GRPEL2: variants seen among roughly 807,000 people sequenced by gnomAD.
The protein encoded by GRPEL2 is grpE protein homolog 2, mitochondrial.
GRPEL2 carries 18 observed loss-of-function variants against 25.9 expected under a neutral mutation model. That is an observed-to-expected ratio of 0.70 (90% confidence interval 0.48 to 1.03). The LOEUF is 1.03. GRPEL2 is among the 50% of genes least tolerant of loss of function. The pLI, the probability that GRPEL2 is intolerant of heterozygous loss-of-function variation, is 0.00. For synonymous variants in GRPEL2, 106 were observed against 107.9 expected, an observed-to-expected ratio of 0.98 and a Z score of 0.11; for missense variants, 247 against 276.2, an observed-to-expected ratio of 0.89 and a Z score of 0.75.
At chr5:149,346,715 ATTTTTTTTTTTTTTTTTTTTTTTTTTTT>A (rs34300270) in intron 1 of GRPEL2, among the ~76,000 whole-genome samples, 1 of 59,272 alleles carries the variant, frequency 1.7e-5, no homozygotes, top group Non-Finnish European at 2.9e-5. Flanking sequence ...GGCCCTGAGA[ATTTTTTTTTTTTTTTTTTTTTTTTTTTT>A]TTTTTTTTTT....
intron 1 of GRPEL2, among the ~76,000 whole-genome samples, chr5:149,346,437 C>T (rs191816478): frequency 3.3e-4 from 50 of 152,288 alleles, no homozygotes; most frequent in Non-Finnish European, 6.5e-4. Flanking sequence ...ACATATGTCA[C>T]CCTTTTTACC....
intron 2 of GRPEL2, 147 bp downstream of exon 2, chr5:149,348,572 A>G: frequency 1.6e-6 from 1 of 633,550 alleles, no homozygotes; most frequent in Admixed American, 3.4e-5. Flanking sequence ...CTTGCTAGGT[A>G]TACTGGGCAG....
At position 149,345,588 on chromosome 5, in the gene GRPEL2, C is replaced by A; in HGVS notation, c.49C>A (p.Leu17Met). ...WAGRLRVQRL[L>M]AWSAAWESKG... ...GGGCCGGCTGCGGGTGCAGCGCCTA[C>A]TGGCCTGGAGTGCCGCGTGGGAGAG... The change falls in exon 1 of 4, where the codon CTG (leucine) becomes ATG (methionine). Residue 17 changes from leucine (L) to methionine (M), a missense_variant. Leu to Met is a conservative substitution (Grantham distance 15). This residue lies in a region of GRPEL2 where 125 missense variants were observed against 107.0 expected (regional missense o/e 1.17). Coordinates refer to ENST00000329271, the MANE Select transcript of GRPEL2 (RefSeq NM_152407.4). The A allele has an allele frequency of 1.9e-6, 3 of 1,611,736 alleles. No individual in the cohort carries two copies. The highest frequency in any genetic ancestry group is 2.5e-6 in the Non-Finnish European group (3 of 1,179,268).
Position 149,351,400 on chromosome 5 carries a change from C to A in GRPEL2, c.*118C>A. 9.0e-7 allele frequency: 1 copy of A among 1,106,822 alleles called. No individual in the cohort carries two copies. Among genetic ancestry groups the A allele is most frequent in the Non-Finnish European group, 1.3e-6 (1 of 783,596 alleles). The allele number at this position is 1,106,822 out of a possible 1,614,324, so 68.6% of individuals were successfully genotyped here. A position where few individuals can be genotyped will look rare whatever the true frequency, so the allele number is the denominator to read the frequency against. ...TCATGTGATATGTTTTGGATTTAGTCATATTGGCTTTATTTCTAAGATATT... is the reference window on the plus strand; with the variant it reads ...TCATGTGATATGTTTTGGATTTAGTAATATTGGCTTTATTTCTAAGATATT... On this transcript the variant is annotated 3_prime_UTR_variant, in exon 4 of 4. Coordinates refer to ENST00000329271, the MANE Select transcript of GRPEL2 (RefSeq NM_152407.4).
rs1757791471 is a variant in GRPEL2, at chr5:149,352,432, A to G, written c.*1150A>G. On this transcript the variant is annotated 3_prime_UTR_variant, in exon 4 of 4. Transcript: ENST00000329271. ...CAGGCGTTCACCACTGCGCCCGCAA[A>G]GTTTTTTTGTTGTTTTTTTTTTTAA... 1 of 149,530 alleles carries G rather than the reference A, an allele frequency of 6.7e-6. No homozygotes were observed. The highest frequency in any genetic ancestry group is 1.5e-5 in the Non-Finnish European group (1 of 66,736). The allele number at this position is 149,530 out of a possible 1,614,324, so 9.3% of individuals were successfully genotyped here.
At chr5:149,346,655 T>C (rs1757693819) in intron 1 of GRPEL2, among the ~76,000 whole-genome samples, 1 of 142,546 alleles carries the variant, frequency 7.0e-6, no homozygotes, top group Non-Finnish European at 1.5e-5. Context: ...TGGCCACAAC[T>C]CCCCAACCCT....
intron 1 of GRPEL2, among the ~76,000 whole-genome samples, chr5:149,346,931 G>T (rs1446775194): frequency 6.6e-6 from 1 of 151,726 alleles, no homozygotes; most frequent in Non-Finnish European, 1.5e-5. Context: ...TAGAGACGGG[G>T]TTTCACCGTG....
rs1308438608 is a variant in GRPEL2, at chr5:149,348,268, T to G, written c.78-4T>G. On this transcript the variant is annotated splice_polypyrimidine_tract_variant and splice_region_variant and intron_variant, in intron 1 of 3. Transcript: ENST00000329271. ...CATTATGTGCCACCTCCTTCCTGTT[T>G]TAGGGGATGGCCGCTTCCATTCAGC... 1 of 1,589,602 alleles carries G rather than the reference T, an allele frequency of 6.3e-7. No homozygotes were observed. The highest frequency in any genetic ancestry group is 8.5e-7 in the Non-Finnish European group (1 of 1,173,518).
At chr5:149,345,720 C>G in intron 1 of GRPEL2, 104 bp downstream of exon 1, 1 of 935,902 alleles carries the variant, frequency 1.1e-6, no homozygotes, top group Non-Finnish European at 1.6e-6. Context: ...TGAGCGTAGG[C>G]CAGGGGACCA....
rs1040722308 is a variant in GRPEL2 at position 149,353,830 on chromosome 5, T to C, written c.*2548T>C. 6.6e-6 allele frequency: 1 copy of C among 152,206 alleles called. No individual in the cohort carries two copies. The highest frequency in any genetic ancestry group is 2.4e-5 in the African/African-American group (1 of 41,454). 9.4% of individuals were successfully genotyped at this position (152,206 alleles called of 1,614,324 possible). On this transcript the variant is annotated 3_prime_UTR_variant, in exon 4 of 4. Coordinates refer to ENST00000329271, the MANE Select transcript of GRPEL2 (RefSeq NM_152407.4). Reference sequence around the variant, plus strand: ...AGGGCTTTGGGGAGCCAAAGCAGCATATTAGAGCATAGGCTTGAACTTAAA... The same window carrying C: ...AGGGCTTTGGGGAGCCAAAGCAGCACATTAGAGCATAGGCTTGAACTTAAA...
rs200207058 is a variant in GRPEL2, at chr5:149,345,544, C to T, written c.5C>T (p.Ala2Val). 2 of 1,610,988 alleles carry T rather than the reference C, an allele frequency of 1.2e-6. No homozygotes were observed. Among genetic ancestry groups the T allele is most frequent in the South Asian group, 2.2e-5 (2 of 90,352 alleles). Residue 2 changes from alanine (A) to valine (V), a missense_variant, in exon 1 of 4, where the codon GCC (alanine) becomes GTC (valine). Ala to Val is a moderately conservative substitution (Grantham distance 64). Around this residue, in one of 2 missense-constraint regions of GRPEL2, gnomAD observed 125 missense variants for 107.0 expected, o/e 1.17. Transcript: ENST00000329271. ...CTCTCAGCCCAAATTGGAAACATGG[C>T]CGTACGGTCGCTGTGGGCGGGCCGG... Reference protein sequence around the residue: MAVRSLWAGRLR... With the variant: MVVRSLWAGRLR...
In GRPEL2 at chr5:149,351,399, T is replaced by A; in HGVS notation, c.*117T>A. ...TTCATGTGATATGTTTTGGATTTAG[T>A]CATATTGGCTTTATTTCTAAGATAT... is the stretch of plus-strand genomic sequence containing the variant. On this transcript the variant is annotated 3_prime_UTR_variant, in exon 4 of 4. Coordinates refer to ENST00000329271, the MANE Select transcript of GRPEL2 (RefSeq NM_152407.4). 1.8e-6 allele frequency: 2 copies of A among 1,108,618 alleles called. No individual in the cohort carries two copies. The highest frequency in any genetic ancestry group is 1.6e-5 in the African/African-American group (1 of 64,128). The allele number at this position is 1,108,618 out of a possible 1,614,324, so 68.7% of individuals were successfully genotyped here. A position where few individuals can be genotyped will look rare whatever the true frequency, so the allele number is the denominator to read the frequency against.
At position 149,348,367 on chromosome 5, in the gene GRPEL2, C is replaced by G; in HGVS notation, c.173C>G (p.Ala58Gly). 6.2e-7 allele frequency: 1 copy of G among 1,613,550 alleles called. No homozygotes were observed. Among genetic ancestry groups the G allele is most frequent in the East Asian group, 2.2e-5 (1 of 44,864 alleles). Residue 58 changes from alanine to glycine, a missense_variant, in exon 2 of 4, where the codon GCT becomes GGT. Coordinates refer to ENST00000329271, the MANE Select transcript of GRPEL2 (RefSeq NM_152407.4). ...CCTGATGAGCTTGGGCCCCCTCTTG[C>G]TGAACGAGCCTTAAGGGTAAAAGCT... ...DPPDELGPPLAERALRVKAVK... is the reference protein window; with the variant it reads ...DPPDELGPPLGERALRVKAVK...
chr5:149,348,597 AGTT>A (rs1757726021), intron 2 of GRPEL2, among the ~76,000 whole-genome samples, 172 bp downstream of exon 2: 1 of 152,234 alleles, frequency 6.6e-6, no homozygotes, highest in Non-Finnish European at 1.5e-5. Context: ...AAACTGTAGT[AGTT>A]GAAAAACACC....
chr5:149,346,029 G>T (rs1757683636), intron 1 of GRPEL2, among the ~76,000 whole-genome samples: 1 of 152,202 alleles, frequency 6.6e-6, no homozygotes, highest in South Asian at 2.1e-4. Context: ...GTAAAAGGAG[G>T]CCGCTGAACT....
chr5:149,346,611 C>T (rs1323851808), intron 1 of GRPEL2, among the ~76,000 whole-genome samples: 1 of 151,800 alleles, frequency 6.6e-6, no homozygotes, highest in African/African-American at 2.4e-5. Flanking sequence ...AAGCTGTCTC[C>T]CTACTCCAGT....
rs1757819275 is a variant in GRPEL2, at chr5:149,354,068, A to C, written c.*2786A>C. The C allele has an allele frequency of 6.6e-6, 1 of 152,196 alleles. No homozygotes were observed. Among genetic ancestry groups the C allele is most frequent in the African/African-American group, 2.4e-5 (1 of 41,442 alleles). The allele number at this position is 152,196 out of a possible 1,614,324, so 9.4% of individuals were successfully genotyped here. A position where few individuals can be genotyped will look rare whatever the true frequency, so the allele number is the denominator to read the frequency against. ...TTCCTGCCTTTTTATGGCTGTCTAA[A>C]GTCTAGGGAAAAGGGAAGACTGGTT... On this transcript the variant is annotated 3_prime_UTR_variant, in exon 4 of 4. Transcript: ENST00000329271.
chr5:149,349,947 G>A (rs1757750337), intron 3 of GRPEL2: 2 of 556,426 alleles, frequency 3.6e-6, no homozygotes, highest in Admixed American at 7.0e-5. Flanking sequence ...TGGAGGCTGA[G>A]GCACGAGAAT....
chr5:149,349,742 G>T lies in GRPEL2; in HGVS notation c.313+7G>T, dbSNP rs770758108. On this transcript the variant is annotated splice_region_variant and intron_variant, in intron 3 of 3. Coordinates refer to ENST00000329271, the MANE Select transcript of GRPEL2 (RefSeq NM_152407.4). The stretch of plus-strand genomic sequence containing the variant: ...GAAGACGCCAAGATATTTGGTGAGA[G>T]ATTTATTTACAATAAAAATGTCTTT... 1 of 1,606,826 alleles carries T rather than the reference G, an allele frequency of 6.2e-7. No individual in the cohort carries two copies.
Sources: gnomAD v4.1 joint callset for allele counts (sites outside exome capture counted in the v4.1 genomes callset) on GRCh38, gnomAD v4.1.1 for gene constraint, gnomAD v4.1.1 regional missense constraint, MANE v1.5 for transcripts, NCBI Gene and HGNC (gene_info 2026-07-23, HGNC 2026-07-21) for gene names.